Variants in NRXN1 observed in about 807,000 individuals in gnomAD.
NRXN1 encodes neurexin-1.
In NRXN1, 39 loss-of-function variants were observed where a neutral mutation model predicts 150.9. The ratio of observed to expected loss-of-function variants is 0.26; its 90% CI spans 0.20 to 0.34. NRXN1 has a LOEUF of 0.34. Among genes scored for constraint, NRXN1 ranks in the 10% least tolerant of loss-of-function variants. NRXN1 has a pLI of 1.00. For missense variants in NRXN1, 1,815 were observed against 1,949.9 expected (o/e 0.93, Z 1.30); for synonymous variants, 924 against 757.0 (o/e 1.22, Z -3.62).
intron 17 of NRXN1, among the ~76,000 whole-genome samples, chr2:50,464,748 T>C (rs1230248317): frequency 6.6e-6 from 1 of 151,924 alleles, no homozygotes; most frequent in African/African-American, 2.4e-5. Flanking sequence ...GTGCTGTAAA[T>C]CAGGACCTAT....
chr2:50,801,296 A>G (rs1272236286), intron 5 of NRXN1, among the ~76,000 whole-genome samples: 1 of 152,184 alleles, frequency 6.6e-6, no homozygotes, highest in Non-Finnish European at 1.5e-5. Context: ...CAGGATAAAA[A>G]TGTACCTATG....
chr2:50,145,851 T>G (rs1215075763), intron 18 of NRXN1, among the ~76,000 whole-genome samples: 2 of 151,626 alleles, frequency 1.3e-5, no homozygotes, highest in African/African-American at 2.4e-5. Context: ...ATTTGACAGC[T>G]CAATTGATTT....
chr2:50,282,714 T>C (rs1313373792), intron 17 of NRXN1, among the ~76,000 whole-genome samples: 1 of 152,176 alleles, frequency 6.6e-6, no homozygotes, highest in African/African-American at 2.4e-5. Context: ...GGAAATCAGA[T>C]GAATTCTTTG....
At chr2:50,098,805 G>C (rs1700579891) in intron 18 of NRXN1, among the ~76,000 whole-genome samples, 1 of 122,432 alleles carries the variant, frequency 8.2e-6, no homozygotes, top group Non-Finnish European at 1.7e-5. Context: ...TTACTACAGG[G>C]TGCATGGTTT....
At chr2:50,465,331 C>T in intron 17 of NRXN1, 111 bp downstream of exon 17, 1 of 1,080,614 alleles carries the variant, frequency 9.3e-7, no homozygotes, top group Non-Finnish European at 1.3e-6. Context: ...TGGGTTATGA[C>T]AGTTCGACTG....
intron 21 of NRXN1, among the ~76,000 whole-genome samples, chr2:49,952,856 T>A (rs896676701): frequency 3.9e-5 from 6 of 152,138 alleles, no homozygotes; most frequent in Admixed American, 3.9e-4. Context: ...ATCATTAGAG[T>A]TCTGTCAGAT....
At position 50,128,961 on chromosome 2, in the gene NRXN1, C is replaced by T. The variant is rs112450168; in HGVS notation, c.3547-37467G>A. 1.1e-4 allele frequency among the ~76,000 whole-genome samples: 17 copies of T among 150,316 alleles called. 1 individual carries two copies. Among genetic ancestry groups the T allele is most frequent in the African/African-American group, 4.2e-4 (17 of 40,726 alleles). The stretch of plus-strand genomic sequence containing the variant: ...TCACACCACTGCACTCCATCATGAG[C>T]GACAAGAGTGAGACTCCATCTCAAT... On this transcript the variant is annotated intron_variant, in intron 18 of 22. Transcript: ENST00000401669.
At chr2:50,457,032 A>G (rs1229546956) in intron 17 of NRXN1, among the ~76,000 whole-genome samples, 2 of 152,168 alleles carry the variant, frequency 1.3e-5, no homozygotes, top group Non-Finnish European at 2.9e-5. Context: ...GTCTGATTTC[A>G]CTATCAAATA....
chr2:50,573,273 G>A (rs1489124440), intron 8 of NRXN1, among the ~76,000 whole-genome samples: 1 of 151,938 alleles, frequency 6.6e-6, no homozygotes. Flanking sequence ...TGAGGCAGAA[G>A]GATCGCTTGA....
intron 18 of NRXN1, among the ~76,000 whole-genome samples, chr2:50,133,422 A>G (rs1376805181): frequency 6.6e-6 from 1 of 152,206 alleles, no homozygotes; most frequent in Non-Finnish European, 1.5e-5. Flanking sequence ...TCCAGAGGAA[A>G]TAATTGTGCT....
intron 5 of NRXN1, among the ~76,000 whole-genome samples, chr2:50,745,807 T>C (rs1424091615): frequency 1.3e-5 from 2 of 152,080 alleles, no homozygotes; most frequent in Admixed American, 1.3e-4. Context: ...GAGAATAGCA[T>C]GGGGGAACTA....
chr2:50,498,954 T>C (rs1256243443), intron 13 of NRXN1, among the ~76,000 whole-genome samples: 1 of 152,216 alleles, frequency 6.6e-6, no homozygotes, highest in Non-Finnish European at 1.5e-5. Context: ...TAATTAGAGC[T>C]AATCCCAGAA....
At chr2:50,546,648 A>T (rs1172397281) in intron 9 of NRXN1, among the ~76,000 whole-genome samples, 1 of 152,114 alleles carries the variant, frequency 6.6e-6, no homozygotes, top group Non-Finnish European at 1.5e-5. Context: ...ACAATAAATG[A>T]TTTTTTTCTA....
intron 15 of NRXN1, among the ~76,000 whole-genome samples, chr2:50,482,188 T>C (rs1024701817): frequency 1.3e-5 from 2 of 152,198 alleles, no homozygotes; most frequent in African/African-American, 4.8e-5. Flanking sequence ...GCCAACAGAC[T>C]GTGAGGAAAC....
intron 18 of NRXN1, among the ~76,000 whole-genome samples, chr2:50,230,983 T>C (rs957384470): frequency 6.6e-6 from 1 of 152,030 alleles, no homozygotes. Context: ...TCTTTTGAAA[T>C]TGTAGTAAAA....
chr2:50,925,843 A>C, intron 3 of NRXN1, 95 bp downstream of exon 3: 1 of 913,944 alleles, frequency 1.1e-6, no homozygotes, highest in South Asian at 1.4e-5. Flanking sequence ...TTCAGAAAGA[A>C]GTTCAACTTA....
In NRXN1 at chr2:50,863,312, C is replaced by T. The variant is rs72838796; in HGVS notation, c.832+58557G>A. Among the ~76,000 whole-genome samples the T allele has an allele frequency of 5.0e-3, 760 of 152,124 alleles. 3 individuals carry two copies. The highest frequency in any genetic ancestry group is 8.5e-3 in the Non-Finnish European group (580 of 67,960). ...TTCTTATGTCTAAGATAAATTATTA[C>T]ACCACCGCAGCAATTTCAGGTCTGG... On this transcript the variant is annotated intron_variant, in intron 5 of 22. Coordinates refer to ENST00000401669, the MANE Select transcript of NRXN1 (RefSeq NM_001330078.2).
intron 5 of NRXN1, among the ~76,000 whole-genome samples, chr2:50,657,000 C>T (rs1368410819): frequency 6.6e-6 from 1 of 151,978 alleles, no homozygotes; most frequent in Non-Finnish European, 1.5e-5. Flanking sequence ...TGATATATGA[C>T]ATAAGCATTT....
intron 5 of NRXN1, among the ~76,000 whole-genome samples, chr2:50,700,384 A>C (rs1693560287): frequency 6.6e-6 from 1 of 152,152 alleles, no homozygotes; most frequent in Non-Finnish European, 1.5e-5. Flanking sequence ...TGCTGGGCCA[A>C]TGGCAATTTT....
Sources: allele counts gnomAD v4.1 joint callset (sites outside exome capture counted in the v4.1 genomes callset), GRCh38; gene constraint gnomAD v4.1.1; transcripts MANE v1.5; gene names NCBI Gene and HGNC (gene_info 2026-07-23, HGNC 2026-07-21).